Variants in WNT7B observed in about 807,000 individuals in gnomAD.
WNT7B encodes the protein protein Wnt-7b.
In WNT7B, 19 loss-of-function variants were observed where a neutral mutation model predicts 38.2. The ratio of observed to expected loss-of-function variants is 0.50; its 90% CI spans 0.35 to 0.73. The LOEUF is 0.73. Ranked by LOEUF, WNT7B falls within the 30% of genes least tolerant of loss-of-function variation. The pLI is 0.01. For synonymous variants in WNT7B, 243 were observed against 209.3 expected, an observed-to-expected ratio of 1.16 and a Z score of -1.39; for missense variants, 423 against 507.9, an observed-to-expected ratio of 0.83 and a Z score of 1.61.
chr22:45,972,116 G>GGGCCCCCCCCCCCCCCCCC, intron 1 of WNT7B: 2 of 530,732 alleles, frequency 3.8e-6, no homozygotes, highest in Non-Finnish European at 3.3e-6. Context: ...CCCGGGGGGA[G>GGGCCCCCCCCCCCCCCCCC]CCCACCCGCC....
intron 3 of WNT7B, among the ~76,000 whole-genome samples, chr22:45,930,324 C>T (rs781740735): frequency 1.3e-5 from 2 of 152,364 alleles, no homozygotes; most frequent in East Asian, 1.9e-4. Flanking sequence ...TTGCCTGGAA[C>T]GGCAAGTCTG....
At chr22:45,939,631 A>AC (rs1264795739) in intron 2 of WNT7B, among the ~76,000 whole-genome samples, 58 of 80,450 alleles carry the variant, frequency 7.2e-4, no homozygotes, top group African/African-American at 2.3e-3. Context: ...CTGTCTCTAC[A>AC]AACACACACA....
intron 2 of WNT7B, among the ~76,000 whole-genome samples, chr22:45,944,975 T>A (rs1461253948): frequency 1.3e-5 from 2 of 152,220 alleles, no homozygotes; most frequent in African/African-American, 4.8e-5. Flanking sequence ...CACCCCCTCC[T>A]GTCCCCTATG....
chr22:45,941,886 G>A (rs901567120), intron 2 of WNT7B, among the ~76,000 whole-genome samples: 3 of 152,188 alleles, frequency 2.0e-5, no homozygotes, highest in African/African-American at 7.2e-5. Context: ...GGGAGCTTTT[G>A]TGAGATAGAC....
intron 2 of WNT7B, among the ~76,000 whole-genome samples, chr22:45,945,695 C>T (rs1931778080): frequency 6.6e-6 from 1 of 152,242 alleles, no homozygotes; most frequent in African/African-American, 2.4e-5. Flanking sequence ...GTGCACCTGG[C>T]CCGGGAGTCA....
chr22:45,929,632 CCATGCATCCACTCA>C (rs1569111130), intron 3 of WNT7B, among the ~76,000 whole-genome samples: 3 of 119,066 alleles, frequency 2.5e-5, no homozygotes, highest in South Asian at 5.2e-4. Flanking sequence ...ATCCTTCCAT[CCATGCATCCACTCA>C]TCCATCCTTC....
chr22:45,931,584 G>A (rs1369850296), intron 2 of WNT7B, among the ~76,000 whole-genome samples: 3 of 151,958 alleles, frequency 2.0e-5, no homozygotes, highest in Non-Finnish European at 4.4e-5. Context: ...TATACAGCAG[G>A]CCCCAGGTCA....
In WNT7B at chr22:45,929,858, T is replaced by A. The variant is rs1052880367; in HGVS notation, c.570+1240A>T. ...CTTCTATACATCCACCCACTCATCCTTCCATCCATCCATCCAACCATCTAC... is the reference window on the plus strand; with the variant it reads ...CTTCTATACATCCACCCACTCATCCATCCATCCATCCATCCAACCATCTAC... On this transcript the variant is annotated intron_variant, in intron 3 of 3. Transcript: ENST00000339464. Among the ~76,000 whole-genome samples the A allele has an allele frequency of 1.5e-4, 16 of 105,272 alleles. 1 individual carries two copies. The highest frequency in any genetic ancestry group is 3.4e-4 in the African/African-American group (8 of 23,508). The allele number at this position is 105,272 out of a possible 152,430, so 69.1% of individuals were successfully genotyped here. A position where few individuals can be genotyped will look rare whatever the true frequency, so the allele number is the denominator to read the frequency against.
intron 3 of WNT7B, among the ~76,000 whole-genome samples, chr22:45,930,490 C>T (rs1258813379): frequency 1.3e-5 from 2 of 152,224 alleles, no homozygotes; most frequent in African/African-American, 4.8e-5. Flanking sequence ...ATCTGGGGCC[C>T]TCATCTCCAG....
intron 2 of WNT7B, 34 bp from the exon 3 acceptor site, chr22:45,931,403 C>G (rs1046370187): frequency 2.1e-5 from 32 of 1,547,532 alleles, no homozygotes; most frequent in Non-Finnish European, 2.7e-5. Flanking sequence ...AGGTGAGACC[C>G]CAGGCCCTGG....
At chr22:45,928,974 C>T (rs200702599) in intron 3 of WNT7B, among the ~76,000 whole-genome samples, 8,306 of 119,866 alleles carry the variant, frequency 0.069, 261 homozygotes, top group Middle Eastern at 0.2. Flanking sequence ...AGCAGGGACC[C>T]GAGCTTAAGC....
Position 45,928,866 on chromosome 22 carries a change from C to T in WNT7B, c.570+2232G>A, listed in dbSNP as rs555546091. On this transcript the variant is annotated intron_variant, in intron 3 of 3. Transcript: ENST00000339464. The stretch of plus-strand genomic sequence containing the variant: ...CCTGGTTTCCCCATACCGCATACCA[C>T]GACATACCACGACCTTGGTTCCCCA... Among the ~76,000 whole-genome samples, 7 of 152,128 alleles carry T rather than the reference C, an allele frequency of 4.6e-5. No individual in the cohort carries two copies. The South Asian group carries it at 6.2e-4, about 14-fold the overall frequency.
chr22:45,931,784 T>C (rs1931369765), intron 2 of WNT7B, among the ~76,000 whole-genome samples: 1 of 152,264 alleles, frequency 6.6e-6, no homozygotes, highest in East Asian at 1.9e-4. Context: ...TCCTCCCCTC[T>C]GCCAGCCTCC....
intron 1 of WNT7B, chr22:45,972,116 G>GGGGGGGGCCCCCCCCC: frequency 1.9e-6 from 1 of 530,738 alleles, no homozygotes. Context: ...CCCGGGGGGA[G>GGGGGGGGCCCCCCCCC]CCCACCCGCC....
At position 45,931,085 on chromosome 22, in the gene WNT7B, AC is replaced by A; in HGVS notation, c.570+12del. 6.4e-7 allele frequency: 1 copy of A among 1,561,762 alleles called. No homozygotes were observed. Among genetic ancestry groups the A allele is most frequent in the African/African-American group, 1.4e-5 (1 of 73,978 alleles). On this transcript the variant is annotated intron_variant, in intron 3 of 3. Coordinates refer to ENST00000339464, the MANE Select transcript of WNT7B (RefSeq NM_058238.3). ...CCCAGCTACGGCCCCCACCAGCCGC[AC>A]CCGCACCCTACCTTCCTGCCGGCCT...
Position 45,973,065 on chromosome 22 carries a change from G to C in WNT7B, c.71+3619C>G, listed in dbSNP as rs1340322152. Among the ~76,000 whole-genome samples, 11 of 152,374 alleles carry C rather than the reference G, an allele frequency of 7.2e-5. 1 individual carries two copies. The highest frequency in any genetic ancestry group is 1.5e-4 in the Non-Finnish European group (10 of 68,046). On this transcript the variant is annotated intron_variant, in intron 1 of 3. Coordinates refer to ENST00000339464, the MANE Select transcript of WNT7B (RefSeq NM_058238.3). ...GCTGAGCTTGCACGACCCTGCCTGG[G>C]CACCTCTTTGGAGAGGCCGCCAGTG...
chr22:45,962,994 C>T (rs1932230824), intron 1 of WNT7B, among the ~76,000 whole-genome samples: 1 of 152,192 alleles, frequency 6.6e-6, no homozygotes, highest in Non-Finnish European at 1.5e-5. Flanking sequence ...CTTGGCTGAG[C>T]GGCAGGTCTG....
At chr22:45,931,751 G>A (rs1363506811) in intron 2 of WNT7B, among the ~76,000 whole-genome samples, 1 of 152,194 alleles carries the variant, frequency 6.6e-6, no homozygotes, top group Non-Finnish European at 1.5e-5. Flanking sequence ...CCTGTGGAGG[G>A]GGATGGGTGT....
intron 3 of WNT7B, chr22:45,926,590 G>A: frequency 2.0e-6 from 2 of 985,406 alleles, no homozygotes; most frequent in Non-Finnish European, 2.4e-6. Flanking sequence ...GGCCACTGGG[G>A]CCGACAGAAG....
Sources: allele counts gnomAD v4.1 joint callset (sites outside exome capture counted in the v4.1 genomes callset), GRCh38; gene constraint gnomAD v4.1.1; transcripts MANE v1.5; gene names NCBI Gene and HGNC (gene_info 2026-07-23, HGNC 2026-07-21).